The following FMN1 variants were observed in gnomAD, a reference collection of about 807,000 sequenced individuals.
FMN1 encodes the protein formin-1.
In FMN1, 110 loss-of-function variants were observed where a neutral mutation model predicts 132.4. The observed-to-expected ratio is 0.83, with a 90% CI of 0.71 to 0.97. The LOEUF is 0.97. Among genes scored for constraint, FMN1 ranks in the 50% least tolerant of loss-of-function variants. The probability of loss-of-function intolerance (pLI) is 0.00; values close to 1 mark genes in which losing one functional copy is unlikely to be tolerated. For synonymous variants in FMN1, 722 were observed against 651.7 expected (o/e 1.11, Z -1.64); for missense variants, 1,792 against 1,705.3 (o/e 1.05, Z -0.90).
chr15:33,123,636 T>C (rs1962776006), intron 4 of FMN1, among the ~76,000 whole-genome samples: 1 of 152,132 alleles, frequency 6.6e-6, no homozygotes, highest in African/African-American at 2.4e-5. Flanking sequence ...ATCAAACAGC[T>C]AGCTATTTTA....
chr15:32,955,572 A>G (rs574283206), intron 9 of FMN1, among the ~76,000 whole-genome samples: 2 of 152,334 alleles, frequency 1.3e-5, no homozygotes, highest in East Asian at 3.9e-4. Flanking sequence ...ATCTCAGAAA[A>G]TGGCCTGGAT....
chr15:33,007,779 T>C (rs1234080924), intron 7 of FMN1, among the ~76,000 whole-genome samples: 2 of 152,356 alleles, frequency 1.3e-5, no homozygotes, highest in South Asian at 2.1e-4. Context: ...AAAATAATCA[T>C]TTTCCAATCC....
Position 32,964,196 on chromosome 15 carries a change from C to T in FMN1, c.3049G>A (p.Glu1017Lys). Residue 1017 changes from glutamate (E) to lysine (K), a missense_variant, in exon 9 of 21, where the codon GAA (glutamate) becomes AAA (lysine). By Grantham distance (56) the Glu-to-Lys change is moderately conservative (BLOSUM62 1). This residue lies in a region of FMN1 where 1,150 missense variants were observed against 1,043.1 expected (regional missense o/e 1.10). Coordinates refer to ENST00000616417, the MANE Select transcript of FMN1 (RefSeq NM_001277313.2). ...LEEPDIRDPS[E>K]FEYLFSKDTT... ...TCTTTGGAGAATAAATACTCAAATT[C>T]ACTGGGGTCCCGAATGTCAGGTTCT... 6.2e-7 allele frequency: 1 copy of T among 1,612,638 alleles called. No homozygotes were observed. The highest frequency in any genetic ancestry group is 8.5e-7 in the Non-Finnish European group (1 of 1,178,970).
intron 9 of FMN1, among the ~76,000 whole-genome samples, chr15:32,955,832 C>T (rs558254267): frequency 3.3e-5 from 5 of 151,456 alleles, no homozygotes; most frequent in South Asian, 2.1e-4. Flanking sequence ...TGTGTGCGTG[C>T]GCGCACGTGT....
chr15:32,831,204 T>C (rs1451260422), intron 17 of FMN1, among the ~76,000 whole-genome samples: 3 of 152,028 alleles, frequency 2.0e-5, no homozygotes, highest in Non-Finnish European at 2.9e-5. Context: ...ATTAAATAAA[T>C]GTTAGCTAAT....
intron 17 of FMN1, among the ~76,000 whole-genome samples, chr15:32,823,156 T>TTTG (rs2058269339): frequency 1.5e-5 from 1 of 65,790 alleles, no homozygotes; most frequent in African/African-American, 4.9e-5. Flanking sequence ...TCTACTGTTT[T>TTTG]TTTTTTTTTT....
chr15:33,146,086 G>C (rs1221589796), intron 4 of FMN1, among the ~76,000 whole-genome samples: 1 of 150,664 alleles, frequency 6.6e-6, no homozygotes, highest in Non-Finnish European at 1.5e-5. Context: ...AGAGATTCTC[G>C]GGCTTCAGCC....
chr15:32,890,870 GAAGTCTTAGATTT>G (rs2060010831), intron 15 of FMN1, among the ~76,000 whole-genome samples: 1 of 152,172 alleles, frequency 6.6e-6, no homozygotes, highest in South Asian at 2.1e-4. Flanking sequence ...TTTATAGTTT[GAAGTCTTAGATTT>G]AAGTCCTTAA....
intron 6 of FMN1, among the ~76,000 whole-genome samples, chr15:33,024,962 C>CA (rs1421556632): frequency 6.6e-6 from 1 of 151,776 alleles, no homozygotes; most frequent in Non-Finnish European, 1.5e-5. Flanking sequence ...AAAAAGCTGC[C>CA]AAAAAATACA....
At chr15:33,031,062 AATT>A (rs141775038) in intron 6 of FMN1, among the ~76,000 whole-genome samples, 2,789 of 142,626 alleles carry the variant, frequency 0.02, 53 homozygotes, top group South Asian at 0.093. Flanking sequence ...CCTGTGTGGG[AATT>A]ATTATTATTA....
At chr15:32,857,280 A>G (rs1033841041) in intron 16 of FMN1, among the ~76,000 whole-genome samples, 173 bp from the exon 17 acceptor site, 2 of 152,124 alleles carry the variant, frequency 1.3e-5, no homozygotes, top group Non-Finnish European at 2.9e-5. Flanking sequence ...GAAATAATAA[A>G]CAAACCAACA....
At chr15:32,984,323 C>G (rs1465905005) in intron 7 of FMN1, among the ~76,000 whole-genome samples, 1 of 152,094 alleles carries the variant, frequency 6.6e-6, no homozygotes, top group African/African-American at 2.4e-5. Flanking sequence ...TTAAAGAACA[C>G]CACCTATCAA....
At position 32,948,983 on chromosome 15, in the gene FMN1, T is replaced by C. The variant is rs148596794; in HGVS notation, c.3138+15124A>G. 6.6e-5 allele frequency among the ~76,000 whole-genome samples: 10 copies of C among 152,204 alleles called. No individual in the cohort carries two copies. In the East Asian group the frequency reaches 1.9e-3, roughly 29 times the overall value. ...TGATTTTTTTGTATTTTTCTAGTTATTGATTTAAGGCACTTAACTGATTTT... is the reference window on the plus strand; with the variant it reads ...TGATTTTTTTGTATTTTTCTAGTTACTGATTTAAGGCACTTAACTGATTTT... On this transcript the variant is annotated intron_variant, in intron 9 of 20. Transcript: ENST00000616417.
At chr15:33,019,990 G>A (rs1027125828) in intron 6 of FMN1, among the ~76,000 whole-genome samples, 1 of 152,212 alleles carries the variant, frequency 6.6e-6, no homozygotes, top group Admixed American at 6.5e-5. Context: ...AGGAGGCACC[G>A]AGAGCGAGCG....
chr15:33,093,837 C>T (rs541689107), intron 4 of FMN1, among the ~76,000 whole-genome samples: 1 of 152,332 alleles, frequency 6.6e-6, no homozygotes, highest in South Asian at 2.1e-4. Context: ...CATCAGGCAA[C>T]TGCAATGTAG....
intron 4 of FMN1, among the ~76,000 whole-genome samples, chr15:33,109,144 A>G (rs2039600552): frequency 6.6e-6 from 1 of 152,168 alleles, no homozygotes; most frequent in Non-Finnish European, 1.5e-5. Flanking sequence ...TCTATTCAAG[A>G]CAAAGATGGA....
chr15:32,819,858 TTAA>T (rs1278533832), intron 17 of FMN1, among the ~76,000 whole-genome samples: 2 of 152,208 alleles, frequency 1.3e-5, no homozygotes, highest in African/African-American at 4.8e-5. Context: ...TATGGTTAGT[TTAA>T]TGTCATTTAT....
rs753118665 is a variant in FMN1 at position 32,964,048 on chromosome 15, C to CACACACACACACACAT, written c.3138+58_3138+59insATGTGTGTGTGTGTGT. 2.1e-5 allele frequency: 24 copies of CACACACACACACACAT among 1,125,016 alleles called. No individual in the cohort carries two copies. In the African/African-American group the frequency reaches 3.5e-4, roughly 17 times the overall value. 69.7% of individuals were successfully genotyped at this position (1,125,016 alleles called of 1,614,324 possible). A position where few individuals can be genotyped will look rare whatever the true frequency, so the allele number is the denominator to read the frequency against. On this transcript the variant is annotated intron_variant, in intron 9 of 20. Transcript: ENST00000616417. Reference sequence around the variant, plus strand: ...ACACACACACACACACACACACACACATATATACCATTTCCCTGTATAATA... The same window carrying CACACACACACACACAT: ...ACACACACACACACACACACACACACACACACACACACACATATATATACCATTTCCCTGTATAATA...
chr15:33,106,611 C>T lies in FMN1; in HGVS notation c.1868-17637G>A, dbSNP rs144273176. Among the ~76,000 whole-genome samples the T allele has an allele frequency of 5.9e-3, 892 of 152,192 alleles. 4 individuals are homozygous for T. The highest frequency in any genetic ancestry group is 9.4e-3 in the Non-Finnish European group (638 of 67,978). ...TCTCCTGAGTTCACTGTTCACTCTT[C>T]AGTTGCCTTGCTGGCTCCTCATCCT... is the stretch of plus-strand genomic sequence containing the variant. On this transcript the variant is annotated intron_variant, in intron 4 of 20. Transcript: ENST00000616417.
Sources: gnomAD v4.1 joint callset for allele counts (sites outside exome capture counted in the v4.1 genomes callset) on GRCh38, gnomAD v4.1.1 for gene constraint, gnomAD v4.1.1 regional missense constraint, MANE v1.5 for transcripts, NCBI Gene and HGNC (gene_info 2026-07-23, HGNC 2026-07-21) for gene names.